The following NUFIP2 variants were observed in gnomAD, a reference collection of about 807,000 sequenced individuals.
NUFIP2 encodes nuclear FMR1 interacting protein 2.
NUFIP2 carries 6 observed loss-of-function variants against 56.9 expected under a neutral mutation model. The ratio of observed to expected loss-of-function variants is 0.11; its 90% confidence interval spans 0.06 to 0.21. The LOEUF (loss-of-function observed/expected upper bound fraction) is 0.21. Among genes scored for constraint, NUFIP2 ranks in the 10% least tolerant of loss-of-function variants. NUFIP2 has a pLI of 1.00. For missense variants in NUFIP2, 828 were observed against 826.8 expected (o/e 1.00, Z -0.02); for synonymous variants, 321 against 298.2 (o/e 1.08, Z -0.79).
rs1167352495 is a variant in NUFIP2, at chr17:29,257,753, A to G, written c.*6786T>C. Reference sequence around the variant, plus strand: ...ACACTTCTTTAAAACACTAAAAGAGACAGCAAGCTGAAACTTTTTTCAAAG... The same window carrying G: ...ACACTTCTTTAAAACACTAAAAGAGGCAGCAAGCTGAAACTTTTTTCAAAG... On this transcript the variant is annotated 3_prime_UTR_variant, in exon 4 of 4. Coordinates refer to ENST00000225388, the MANE Select transcript of NUFIP2 (RefSeq NM_020772.3). 6.6e-6 allele frequency: 1 copy of G among 152,206 alleles called. No homozygotes were observed. The highest frequency in any genetic ancestry group is 6.5e-5 in the Admixed American group (1 of 15,288). The allele number at this position is 152,206 out of a possible 1,614,324, so 9.4% of individuals were successfully genotyped here. A position where few individuals can be genotyped will look rare whatever the true frequency, so the allele number is the denominator to read the frequency against.
At chr17:29,289,955 G>C (rs556725751) in intron 1 of NUFIP2, among the ~76,000 whole-genome samples, 9 of 151,834 alleles carry the variant, frequency 5.9e-5, no homozygotes, top group African/African-American at 1.9e-4. Flanking sequence ...ACAGATTCTC[G>C]CTCTGTGGCC....
intron 2 of NUFIP2, among the ~76,000 whole-genome samples, chr17:29,272,326 T>C (rs1299672352): frequency 6.6e-6 from 1 of 150,852 alleles, no homozygotes; most frequent in Admixed American, 6.6e-5. Flanking sequence ...CTGCAAGCTC[T>C]GCCTCCAGGG....
rs2069012960 is a variant in NUFIP2, at chr17:29,263,013, G to A, written c.*1526C>T. Reference sequence around the variant, plus strand: ...AGTTACTTTCTCCCCAAATACCCCAGGGGATCCAGTCTACTTTTATCAGAA... The same window carrying A: ...AGTTACTTTCTCCCCAAATACCCCAAGGGATCCAGTCTACTTTTATCAGAA... On this transcript the variant is annotated 3_prime_UTR_variant, in exon 4 of 4. Transcript: ENST00000225388. 1.3e-5 allele frequency: 2 copies of A among 152,510 alleles called. No individual in the cohort carries two copies. The highest frequency in any genetic ancestry group is 2.9e-5 in the Non-Finnish European group (2 of 68,008). The allele number at this position is 152,510 out of a possible 1,614,324, so 9.4% of individuals were successfully genotyped here. A position where few individuals can be genotyped will look rare whatever the true frequency, so the allele number is the denominator to read the frequency against.
chr17:29,263,979 C>A lies in NUFIP2; in HGVS notation c.*560G>T, dbSNP rs2069018913. On this transcript the variant is annotated 3_prime_UTR_variant, in exon 4 of 4. Coordinates refer to ENST00000225388, the MANE Select transcript of NUFIP2 (RefSeq NM_020772.3). ...ATCATATTCGCTAAAAAAATACACC[C>A]TGCTAACTTCAAGGCATTTATCCAG... is the stretch of plus-strand genomic sequence containing the variant. 1 of 152,736 alleles carries A rather than the reference C, an allele frequency of 6.5e-6. No individual in the cohort carries two copies. Among genetic ancestry groups the A allele is most frequent in the Admixed American group, 6.5e-5 (1 of 15,278 alleles). 9.5% of individuals were successfully genotyped at this position (152,736 alleles called of 1,614,324 possible).
Position 29,259,736 on chromosome 17 carries a change from A to G in NUFIP2, c.*4803T>C, listed in dbSNP as rs1052271694. The G allele has an allele frequency of 5.3e-5, 8 of 152,196 alleles. No individual in the cohort carries two copies. Among genetic ancestry groups the G allele is most frequent in the African/African-American group, 1.9e-4 (8 of 41,454 alleles). 9.4% of individuals were successfully genotyped at this position (152,196 alleles called of 1,614,324 possible). A position where few individuals can be genotyped will look rare whatever the true frequency, so the allele number is the denominator to read the frequency against. On this transcript the variant is annotated 3_prime_UTR_variant, in exon 4 of 4. Transcript: ENST00000225388. The stretch of plus-strand genomic sequence containing the variant: ...ATAGTTTCTAGCCCATAACTGATTT[A>G]CCATTCCCAATAATGCAAGAGCAAC...
intron 1 of NUFIP2, among the ~76,000 whole-genome samples, chr17:29,289,021 T>C (rs965500059): frequency 2.6e-5 from 4 of 152,054 alleles, no homozygotes; most frequent in African/African-American, 4.8e-5. Flanking sequence ...CATGTGCCTA[T>C]ACTCCCAGCT....
At chr17:29,271,529 T>C (rs2069072288) in intron 2 of NUFIP2, among the ~76,000 whole-genome samples, 1 of 147,250 alleles carries the variant, frequency 6.8e-6, no homozygotes, top group Non-Finnish European at 1.5e-5. Context: ...AGAGCAAGAC[T>C]CCGTCTCAAA....
At position 29,286,656 on chromosome 17, in the gene NUFIP2, G is replaced by A; in HGVS notation, c.1338C>T (p.Ile446=). The change falls in exon 2 of 4, where the codon ATC becomes ATT. Residue 446 remains isoleucine (I), a synonymous_variant. Transcript: ENST00000225388. The part of the protein sequence containing the change: ...LTTAANTLTP[I]SSGTDSVLQD... ...GGAGAACTGAATCTGTCCCAGAAGA[G>A]ATGGGTGTTAGAGTATTAGCAGCAG... 6.2e-7 allele frequency: 1 copy of A among 1,614,180 alleles called. No homozygotes were observed. Among genetic ancestry groups the A allele is most frequent in the Non-Finnish European group, 8.5e-7 (1 of 1,180,028 alleles).
At chr17:29,273,967 C>G (rs1302304756) in intron 2 of NUFIP2, among the ~76,000 whole-genome samples, 1 of 151,868 alleles carries the variant, frequency 6.6e-6, no homozygotes, top group African/African-American at 2.4e-5. Context: ...CTCACCAGCT[C>G]AGGGTATGAA....
At position 29,287,151 on chromosome 17, in the gene NUFIP2, C is replaced by A; in HGVS notation, c.843G>T (p.Lys281Asn). The A allele has an allele frequency of 1.9e-6, 3 of 1,614,186 alleles. No individual in the cohort carries two copies. The highest frequency in any genetic ancestry group is 2.5e-6 in the Non-Finnish European group (3 of 1,180,030). Reference sequence around the variant, plus strand: ...TTGTTCCTCCAGGCCCAGTTTCATACTTCCAAATGGGCTTCGAACCATCTA... The same window carrying A: ...TTGTTCCTCCAGGCCCAGTTTCATAATTCCAAATGGGCTTCGAACCATCTA... ...NRVDGSKPIW[K>N]YETGPGGTSR... The change falls in exon 2 of 4, where the codon AAG becomes AAT. Residue 281 changes from lysine to asparagine, a missense_variant. By Grantham distance (94) the Lys-to-Asn change is moderately conservative. Coordinates refer to ENST00000225388, the MANE Select transcript of NUFIP2 (RefSeq NM_020772.3).
chr17:29,271,710 G>A (rs2069073741), intron 2 of NUFIP2, among the ~76,000 whole-genome samples: 1 of 152,054 alleles, frequency 6.6e-6, no homozygotes, highest in Non-Finnish European at 1.5e-5. Flanking sequence ...ACAAGGTTAG[G>A]ATCAGAAAGG....
chr17:29,276,664 A>ATG (rs1230805945), intron 2 of NUFIP2, among the ~76,000 whole-genome samples: 1 of 152,112 alleles, frequency 6.6e-6, no homozygotes, highest in Non-Finnish European at 1.5e-5. Flanking sequence ...TTCTTTCCAT[A>ATG]TGTTTCACTA....
chr17:29,281,149 T>C (rs987005703), intron 2 of NUFIP2, among the ~76,000 whole-genome samples: 4 of 147,374 alleles, frequency 2.7e-5, no homozygotes, highest in African/African-American at 1.0e-4. Context: ...TATACATATA[T>C]AAAAAATACA....
chr17:29,268,023 C>T (rs1454041042), intron 2 of NUFIP2, among the ~76,000 whole-genome samples: 2 of 152,110 alleles, frequency 1.3e-5, no homozygotes, highest in East Asian at 1.9e-4. Context: ...CTCAACCTCC[C>T]GAGTAGCTGG....
chr17:29,292,577 C>T (rs555952124), intron 1 of NUFIP2, among the ~76,000 whole-genome samples: 1 of 151,280 alleles, frequency 6.6e-6, no homozygotes, highest in African/African-American at 2.4e-5. Flanking sequence ...CCTCAGGCAC[C>T]GCCTCTACCC....
In NUFIP2 at chr17:29,287,685, T is replaced by A. The variant is rs535105993; in HGVS notation, c.309A>T (p.Glu103Asp). Residue 103 changes from glutamate (E) to aspartate (D), a missense_variant, in exon 2 of 4, where the codon GAA (glutamate) becomes GAT (aspartate). Glu to Asp is a conservative substitution (Grantham distance 45). Coordinates refer to ENST00000225388, the MANE Select transcript of NUFIP2 (RefSeq NM_020772.3). ...GYGELNGNAGEREISLKNLSS... is the reference protein window; with the variant it reads ...GYGELNGNAGDREISLKNLSS... ...TCAGGTTCTTTAAAGATATTTCTCT[T>A]TCTCCAGCATTACCGTTTAGTTCAC... 1.2e-6 allele frequency: 2 copies of A among 1,611,676 alleles called. No homozygotes were observed. The highest frequency in any genetic ancestry group is 1.7e-5 in the Admixed American group (1 of 59,486).
intron 3 of NUFIP2, among the ~76,000 whole-genome samples, chr17:29,265,341 C>T (rs1363026455): frequency 2.1e-5 from 3 of 140,534 alleles, no homozygotes; most frequent in African/African-American, 5.2e-5. Context: ...CTCGCTCTGT[C>T]GCCCAGGCTG....
chr17:29,267,352 C>A, intron 3 of NUFIP2, 146 bp downstream of exon 3: 1 of 541,180 alleles, frequency 1.8e-6, no homozygotes, highest in Non-Finnish European at 3.3e-6. Flanking sequence ...CCCTGCCCAG[C>A]TGCTAGTGCC....
At position 29,286,275 on chromosome 17, in the gene NUFIP2, A is replaced by T; in HGVS notation, c.1719T>A (p.Pro573=). The T allele has an allele frequency of 6.2e-7, 1 of 1,614,226 alleles. No homozygotes were observed. The highest frequency in any genetic ancestry group is 8.5e-7 in the Non-Finnish European group (1 of 1,180,048). The change falls in exon 2 of 4, where the codon CCT becomes CCA. Residue 573 remains proline, a synonymous_variant. Transcript: ENST00000225388. Reference sequence around the variant, plus strand: ...ATTTTAGAATGCTACCCAGAACTTGAGGACTAGTCCGTTTCTCCAGCTCGT... The same window carrying T: ...ATTTTAGAATGCTACCCAGAACTTGTGGACTAGTCCGTTTCTCCAGCTCGT... ...KAYELEKRTS[P]QVLGSILKSG...
Sources: gnomAD v4.1 joint callset for allele counts (sites outside exome capture counted in the v4.1 genomes callset) on GRCh38, gnomAD v4.1.1 for gene constraint, MANE v1.5 for transcripts, NCBI Gene and HGNC (gene_info 2026-07-23, HGNC 2026-07-21) for gene names.